The following TCEA2 variants were observed in gnomAD, a reference collection of about 807,000 sequenced individuals.
TCEA2 encodes transcription elongation factor A protein 2.
Under a neutral mutation model 40.8 loss-of-function variants are expected in TCEA2, and 21 were observed. That is an observed-to-expected ratio of 0.51 (90% CI 0.36 to 0.74). TCEA2 has a LOEUF of 0.74. TCEA2 is among the 30% of genes least tolerant of loss of function. TCEA2 has a pLI of 0.00. For synonymous variants in TCEA2, 165 were observed against 162.7 expected, an observed-to-expected ratio of 1.01 and a Z score of -0.11; for missense variants, 326 against 426.5, an observed-to-expected ratio of 0.76 and a Z score of 2.08.
At chr20:64,056,518 A>G (rs992250632), upstream of TCEA2, among the ~76,000 whole-genome samples, 4 of 147,598 alleles carry the variant, frequency 2.7e-5, no homozygotes, top group South Asian at 6.5e-4. Context: ...AGGGCTGCCC[A>G]TGGGGTGGCA....
At chr20:64,058,392 C>T (rs775826111), upstream of TCEA2, among the ~76,000 whole-genome samples, 8 of 152,256 alleles carry the variant, frequency 5.3e-5, no homozygotes, top group African/African-American at 9.6e-5. The surrounding 1 kb of genome is among the most constrained non-coding windows in gnomAD (Gnocchi z 6.7). Flanking sequence ...TTGACCTCCC[C>T]GTCTGCAGCC....
chr20:64,061,420 C>T (rs903495176), upstream of TCEA2, among the ~76,000 whole-genome samples: 22 of 152,096 alleles, frequency 1.4e-4, no homozygotes, highest in Admixed American at 9.2e-4. Context: ...GGACTACAGG[C>T]GTCCGCCACC....
upstream of TCEA2, among the ~76,000 whole-genome samples, chr20:64,059,921 A>C (rs2059530092): frequency 6.6e-6 from 1 of 151,936 alleles, no homozygotes; most frequent in African/African-American, 2.4e-5. Flanking sequence ...TCCCAGGGAG[A>C]AATCAGGTGG....
intron 4 of TCEA2, among the ~76,000 whole-genome samples, chr20:64,068,559 G>A (rs1045591097): frequency 1.2e-4 from 18 of 152,268 alleles, no homozygotes; most frequent in Non-Finnish European, 4.4e-5. Context: ...CCCTGCATGT[G>A]CACGTGTGGT....
At chr20:64,061,096 CTTTTTTTTTTT>C (rs71197441), upstream of TCEA2, among the ~76,000 whole-genome samples, 5 of 60,522 alleles carry the variant, frequency 8.3e-5, no homozygotes, top group Admixed American at 2.8e-4. Context: ...CAGCCTGAGT[CTTTTTTTTTTT>C]TTTTTTTTTT....
At chr20:64,061,332 G>T (rs927406548), upstream of TCEA2, among the ~76,000 whole-genome samples, 48 of 151,378 alleles carry the variant, frequency 3.2e-4, no homozygotes, top group Admixed American at 2.2e-3. Flanking sequence ...CTGGAGTGCA[G>T]TGGCATGATC....
upstream of TCEA2, among the ~76,000 whole-genome samples, chr20:64,059,239 A>T (rs1414150190): frequency 1.3e-5 from 2 of 148,486 alleles, no homozygotes; most frequent in Non-Finnish European, 3.0e-5. Context: ...TCTTCCCACC[A>T]GTTTATTTTC....
chr20:64,066,693 T>A (rs1405292860), intron 2 of TCEA2, among the ~76,000 whole-genome samples, 155 bp downstream of exon 2: 1 of 152,220 alleles, frequency 6.6e-6, no homozygotes, highest in African/African-American at 2.4e-5. Flanking sequence ...TGCCTTTCTC[T>A]GGGCTCAGTG....
chr20:64,063,278 G>C lies in TCEA2; in HGVS notation c.-35G>C. The stretch of plus-strand genomic sequence containing the variant: ...GGGTCCTGCCCGGCTGCGGAGGCGG[G>C]CGCGACGGGCGCGGGGGTCGCTGCT... On this transcript the variant is annotated 5_prime_UTR_variant, in exon 1 of 10. Transcript: ENST00000343484. The C allele has an allele frequency of 6.6e-7, 1 of 1,509,868 alleles. No homozygotes were observed. The highest frequency in any genetic ancestry group is 1.2e-5 in the South Asian group (1 of 80,974). The allele number at this position is 1,509,868 out of a possible 1,614,324, so 93.5% of individuals were successfully genotyped here. A position where few individuals can be genotyped will look rare whatever the true frequency, so the allele number is the denominator to read the frequency against.
chr20:64,067,065 A>G (rs147753472), intron 3 of TCEA2, 45 bp downstream of exon 3: 1 of 1,556,978 alleles, frequency 6.4e-7, no homozygotes, highest in Non-Finnish European at 8.8e-7. Flanking sequence ...CAGGGGTCCC[A>G]GAAGTGCTGC....
intron 1 of TCEA2, chr20:64,066,237 G>A (rs1304155320): frequency 2.5e-5 from 12 of 471,824 alleles, no homozygotes; most frequent in Non-Finnish European, 4.6e-5. Context: ...AACTTGGAAT[G>A]CTTGAGGCTG....
In TCEA2 at chr20:64,068,039, T is replaced by G; in HGVS notation, c.242-8T>G. 1 of 1,603,002 alleles carries G rather than the reference T, an allele frequency of 6.2e-7. No individual in the cohort carries two copies. The highest frequency in any genetic ancestry group is 1.1e-5 in the South Asian group (1 of 88,566). ...CCTTGATCAGCCCATCCCCGATCTT[T>G]CCTGCAGATGCTTCCGATGCCAAAG... On this transcript the variant is annotated splice_polypyrimidine_tract_variant and splice_region_variant and intron_variant, in intron 3 of 9. Transcript: ENST00000343484.
chr20:64,063,303 T>C lies in TCEA2; in HGVS notation c.-10T>C. Reference sequence around the variant, plus strand: ...GCGCGACGGGCGCGGGGGTCGCTGCTCCTGAGGCGATGATGGGCAAGGAAG... The same window carrying C: ...GCGCGACGGGCGCGGGGGTCGCTGCCCCTGAGGCGATGATGGGCAAGGAAG... On this transcript the variant is annotated 5_prime_UTR_variant, in exon 1 of 10. Transcript: ENST00000343484. 8 of 1,536,334 alleles carry C rather than the reference T, an allele frequency of 5.2e-6. No homozygotes were observed. Among genetic ancestry groups the C allele is most frequent in the Non-Finnish European group, 6.1e-6 (7 of 1,142,622 alleles).
chr20:64,060,808 T>G (rs2059546402), upstream of TCEA2, among the ~76,000 whole-genome samples: 1 of 152,174 alleles, frequency 6.6e-6, no homozygotes, highest in Non-Finnish European at 1.5e-5. Flanking sequence ...CTTTTTTTTT[T>G]TGCGACGAGT....
chr20:64,063,260 G>T lies in TCEA2; in HGVS notation c.-53G>T, dbSNP rs577857417. 2.6e-5 allele frequency: 39 copies of T among 1,489,546 alleles called. No individual in the cohort carries two copies. The East Asian group carries it at 9.7e-4, about 37-fold the overall frequency. 92.3% of individuals were successfully genotyped at this position (1,489,546 alleles called of 1,614,324 possible). ...TGGCGACGGCCGGGGCCGGGGTCCTGCCCGGCTGCGGAGGCGGGCGCGACG... is the reference window on the plus strand; with the variant it reads ...TGGCGACGGCCGGGGCCGGGGTCCTTCCCGGCTGCGGAGGCGGGCGCGACG... On this transcript the variant is annotated 5_prime_UTR_variant, in exon 1 of 10. Transcript: ENST00000343484.
chr20:64,063,311 C>T lies in TCEA2; in HGVS notation c.-2C>T, dbSNP rs370712578. The T allele has an allele frequency of 5.8e-6, 9 of 1,540,100 alleles. No homozygotes were observed. The Admixed American group carries it at 7.9e-5, about 14-fold the overall frequency. On this transcript the variant is annotated 5_prime_UTR_variant, in exon 1 of 10. Coordinates refer to ENST00000343484, the MANE Select transcript of TCEA2 (RefSeq NM_003195.6). ...GGCGCGGGGGTCGCTGCTCCTGAGG[C>T]GATGATGGGCAAGGAAGAGGAGATT...
At position 64,066,902 on chromosome 20, in the gene TCEA2, A is replaced by G. The variant is rs1348798347; in HGVS notation, c.136-13A>G. The G allele has an allele frequency of 6.2e-7, 1 of 1,612,940 alleles. No individual in the cohort carries two copies. Among genetic ancestry groups the G allele is most frequent in the East Asian group, 2.2e-5 (1 of 44,860 alleles). ...GCCCCTGCCTCCCCCAACCCAGACCACTTGCCTCGTAGTCCACCCGAGTCG... is the reference window on the plus strand; with the variant it reads ...GCCCCTGCCTCCCCCAACCCAGACCGCTTGCCTCGTAGTCCACCCGAGTCG... On this transcript the variant is annotated splice_polypyrimidine_tract_variant and intron_variant, in intron 2 of 9. Transcript: ENST00000343484.
intron 8 of TCEA2, 84 bp downstream of exon 8, chr20:64,070,719 G>C: frequency 6.9e-7 from 1 of 1,444,372 alleles, no homozygotes; most frequent in Non-Finnish European, 9.1e-7. Flanking sequence ...GCCTATTCCC[G>C]CCTCTGCTGC....
At chr20:64,059,182 A>T (rs540818315), upstream of TCEA2, among the ~76,000 whole-genome samples, 11 of 136,330 alleles carry the variant, frequency 8.1e-5, no homozygotes, top group Non-Finnish European at 1.7e-4. Flanking sequence ...AACAAGAGTG[A>T]AACTCTGTCT....
Sources: allele counts gnomAD v4.1 joint callset (sites outside exome capture counted in the v4.1 genomes callset), GRCh38; gene constraint gnomAD v4.1.1; non-coding constraint Gnocchi (gnomAD v3.1); transcripts MANE v1.5; gene names NCBI Gene and HGNC (gene_info 2026-07-23, HGNC 2026-07-21).